DDX60: variants seen among roughly 807,000 people sequenced by gnomAD.
DDX60 encodes the protein probable ATP-dependent RNA helicase DDX60.
A neutral mutation model predicts 212.8 loss-of-function variants in DDX60; 165 were observed. That is an observed-to-expected ratio of 0.78 (90% CI 0.68 to 0.88). The LOEUF (loss-of-function observed/expected upper bound fraction) is 0.88. DDX60 is among the 40% of genes least tolerant of loss of function. DDX60 has a pLI of 0.00. For synonymous variants in DDX60, 703 were observed against 685.3 expected, an observed-to-expected ratio of 1.03 and a Z score of -0.40; for missense variants, 1,905 against 2,003.9, an observed-to-expected ratio of 0.95 and a Z score of 0.94.
At chr4:168,286,965 T>A (rs922758589) in intron 10 of DDX60, 83 bp downstream of exon 10, 1 of 1,037,224 alleles carries the variant, frequency 9.6e-7, no homozygotes, top group Middle Eastern at 3.2e-4. Context: ...TTATTTATAC[T>A]TGCAGCACTG....
chr4:168,240,186 C>T (rs150871650), intron 30 of DDX60, among the ~76,000 whole-genome samples: 117 of 152,152 alleles, frequency 7.7e-4, no homozygotes, highest in African/African-American at 2.6e-3. Context: ...AACAGACAAG[C>T]GGAGAGCCAA....
chr4:168,318,044 A>G (rs985265557), intron 1 of DDX60, among the ~76,000 whole-genome samples: 3 of 152,234 alleles, frequency 2.0e-5, no homozygotes, highest in African/African-American at 7.2e-5. Context: ...CAGCAATTGT[A>G]AAATAATAAA....
At chr4:168,266,135 C>T (rs1045383288) in intron 22 of DDX60, among the ~76,000 whole-genome samples, 1 of 152,118 alleles carries the variant, frequency 6.6e-6, no homozygotes, top group African/African-American at 2.4e-5. Context: ...TATCCTGGCC[C>T]CACCATTTAC....
At chr4:168,282,147 T>C (rs1735621667) in intron 13 of DDX60, among the ~76,000 whole-genome samples, 1 of 152,208 alleles carries the variant, frequency 6.6e-6, no homozygotes, top group South Asian at 2.1e-4. Context: ...GATCACACAG[T>C]TGGGCTCAGA....
chr4:168,303,014 A>T (rs1481321917), intron 5 of DDX60, among the ~76,000 whole-genome samples: 1 of 152,146 alleles, frequency 6.6e-6, no homozygotes, highest in Non-Finnish European at 1.5e-5. Context: ...CATTAAAAAA[A>T]TTATTCAGCC....
In DDX60 at chr4:168,288,223, C is replaced by T. The variant is rs762437424; in HGVS notation, c.1134G>A (p.Glu378=). ...AAAAAGCAATATTCTTCAACAAAAG[C>T]TCATCATTTAAGTCAGAAAGGTGAA... The part of the protein sequence containing the change: ...NLIHLSDLND[E]LLLKNIAFYY... The change falls in exon 9 of 38, where the codon GAG becomes GAA. Residue 378 remains glutamate, a synonymous_variant. Transcript: ENST00000393743. 4 of 1,521,106 alleles carry T rather than the reference C, an allele frequency of 2.6e-6. No homozygotes were observed. In the African/African-American group the frequency reaches 4.2e-5, roughly 16 times the overall value. The allele number at this position is 1,521,106 out of a possible 1,614,324, so 94.2% of individuals were successfully genotyped here.
At chr4:168,261,377 G>A (rs1324845707) in intron 24 of DDX60, among the ~76,000 whole-genome samples, 1 of 152,050 alleles carries the variant, frequency 6.6e-6, no homozygotes, top group Non-Finnish European at 1.5e-5. Flanking sequence ...TGACAGAATA[G>A]CTAGAAGAAA....
At chr4:168,310,892 C>CTA in intron 3 of DDX60, 106 bp downstream of exon 3, 1 of 634,234 alleles carries the variant, frequency 1.6e-6, no homozygotes, top group Non-Finnish European at 2.8e-6. Flanking sequence ...CCCTTAGCCC[C>CTA]TACATTGTTC....
At chr4:168,223,269 C>CTTAA (rs1733128695) in intron 35 of DDX60, among the ~76,000 whole-genome samples, 1 of 151,814 alleles carries the variant, frequency 6.6e-6, no homozygotes, top group South Asian at 2.1e-4. Flanking sequence ...TGTATGTACG[C>CTTAA]TTAGCATTAT....
chr4:168,246,720 G>T, intron 29 of DDX60, 102 bp from the exon 30 acceptor site: 1 of 1,220,668 alleles, frequency 8.2e-7, no homozygotes. Context: ...TGGAAATTGT[G>T]CATATGTCTA....
chr4:168,230,060 C>A (rs922840577), intron 33 of DDX60, among the ~76,000 whole-genome samples: 1 of 151,926 alleles, frequency 6.6e-6, no homozygotes, highest in Non-Finnish European at 1.5e-5. Context: ...CAAAAGCAAG[C>A]AGGAGTAGCT....
intron 6 of DDX60, among the ~76,000 whole-genome samples, chr4:168,296,855 C>T (rs1004170636): frequency 2.3e-4 from 35 of 148,940 alleles, no homozygotes; most frequent in Non-Finnish European, 4.7e-4. Context: ...AACAAGCATT[C>T]GAACATACAA....
intron 35 of DDX60, 108 bp from the exon 36 acceptor site, chr4:168,221,989 C>T: frequency 8.6e-7 from 1 of 1,168,130 alleles, no homozygotes; most frequent in South Asian, 1.7e-5. Context: ...TTTTAAAGCC[C>T]ACTCTTCACT....
chr4:168,235,508 G>A (rs1173020081), intron 33 of DDX60, among the ~76,000 whole-genome samples: 2 of 152,042 alleles, frequency 1.3e-5, no homozygotes, highest in Non-Finnish European at 2.9e-5. Flanking sequence ...AAGATGATAG[G>A]TCAATGACTA....
chr4:168,301,663 A>G (rs975636904), intron 6 of DDX60, among the ~76,000 whole-genome samples: 2 of 152,214 alleles, frequency 1.3e-5, no homozygotes, highest in African/African-American at 4.8e-5. Context: ...AAAAGTCACC[A>G]TTAGGCAAAA....
At chr4:168,222,273 T>A in intron 35 of DDX60, among the ~76,000 whole-genome samples, 1 of 152,008 alleles carries the variant, frequency 6.6e-6, no homozygotes, top group East Asian at 1.9e-4. Context: ...ATTGAACAAC[T>A]CTAACAATCT....
At chr4:168,274,796 T>C (rs941061671) in intron 16 of DDX60, among the ~76,000 whole-genome samples, 1 of 152,222 alleles carries the variant, frequency 6.6e-6, no homozygotes, top group Non-Finnish European at 1.5e-5. Context: ...TCTATTAGAC[T>C]GAAGCTATAA....
chr4:168,273,411 G>C lies in DDX60; in HGVS notation c.2455-13C>G. 6.2e-7 allele frequency: 1 copy of C among 1,612,478 alleles called. No individual in the cohort carries two copies. The highest frequency in any genetic ancestry group is 8.5e-7 in the Non-Finnish European group (1 of 1,179,362). On this transcript the variant is annotated splice_polypyrimidine_tract_variant and intron_variant, in intron 17 of 37. Transcript: ENST00000393743. ...GATTAACAAGGGCCTGATTGACAAA[G>C]AAAAAGATCCATTAGTCACATAATA... is the stretch of plus-strand genomic sequence containing the variant.
At chr4:168,286,417 C>CACACACACACACACA (rs1477194591) in intron 10 of DDX60, among the ~76,000 whole-genome samples, 4 of 97,318 alleles carry the variant, frequency 4.1e-5, no homozygotes, top group Admixed American at 1.1e-4. Flanking sequence ...CACACACACA[C>CACACACACACACACA]CACACGAGAT....
Sources: allele counts gnomAD v4.1 joint callset (sites outside exome capture counted in the v4.1 genomes callset), GRCh38; gene constraint gnomAD v4.1.1; transcripts MANE v1.5; gene names NCBI Gene and HGNC (gene_info 2026-07-23, HGNC 2026-07-21).